Variants in MALRD1 observed in about 807,000 individuals in gnomAD.
MALRD1 encodes the protein MAM and LDL-receptor class A domain-containing protein 1.
MALRD1 carries 247 observed loss-of-function variants against 242.1 expected under a neutral mutation model. The ratio of observed to expected loss-of-function variants is 1.02; its 90% confidence interval spans 0.92 to 1.13. MALRD1 has a LOEUF of 1.13. Ranked by LOEUF, MALRD1 falls within the 50% of genes most tolerant of loss-of-function variation. MALRD1 has a pLI of 0.00. For synonymous variants in MALRD1, 995 were observed against 866.6 expected (o/e 1.15, Z -2.60); for missense variants, 2,989 against 2,533.1 (o/e 1.18, Z -3.86).
intron 2 of MALRD1, among the ~76,000 whole-genome samples, chr10:19,084,439 G>T: frequency 6.6e-6 from 1 of 151,684 alleles, no homozygotes; most frequent in Admixed American, 6.6e-5. Flanking sequence ...ATGTTCTTGA[G>T]AACTGATATT....
Position 19,131,809 on chromosome 10 carries a change from T to A in MALRD1, c.1111-2047T>A, listed in dbSNP as rs920127693. ...ACCGGTGGAGCAAAGATATATTTTTTAAAAAATTATTTACTGATTTTAAGA... is the reference window on the plus strand; with the variant it reads ...ACCGGTGGAGCAAAGATATATTTTTAAAAAAATTATTTACTGATTTTAAGA... On this transcript the variant is annotated intron_variant, in intron 8 of 39. Transcript: ENST00000454679. Among the ~76,000 whole-genome samples the A allele has an allele frequency of 1.1e-4, 16 of 152,310 alleles. No individual in the cohort carries two copies. In the East Asian group the frequency reaches 1.5e-3, roughly 15 times the overall value.
chr10:19,502,237 AAAT>A lies in MALRD1; in HGVS notation c.5320+3597_5320+3599del, dbSNP rs1256365993. On this transcript the variant is annotated intron_variant, in intron 31 of 39. Transcript: ENST00000454679. ...TTCTATTTATCAATTTTACATTACT[AAAT>A]AATAAACTTTTCTAAAATTTTTAAA... Among the ~76,000 whole-genome samples, 4 of 152,090 alleles carry A rather than the reference AAAT, an allele frequency of 2.6e-5. No homozygotes were observed. The South Asian group carries it at 6.2e-4, about 24-fold the overall frequency.
intron 21 of MALRD1, among the ~76,000 whole-genome samples, chr10:19,289,380 T>C (rs1841296301): frequency 6.6e-6 from 1 of 152,334 alleles, no homozygotes; most frequent in East Asian, 1.9e-4. Flanking sequence ...TGGTGCATAA[T>C]AGGCCTCAAT....
chr10:19,165,736 T>G lies in MALRD1; in HGVS notation c.1756T>G (p.Phe586Val), dbSNP rs182825388. Residue 586 changes from phenylalanine (F) to valine (V), a missense_variant, in exon 13 of 40, where the codon TTC (phenylalanine) becomes GTC (valine). By Grantham distance (50) the Phe-to-Val change is conservative. Coordinates refer to ENST00000454679, the MANE Select transcript of MALRD1 (RefSeq NM_001142308.3). Reference protein sequence around the residue: ...NLQKQGKIIRFSESQWSHAKI... With the variant: ...NLQKQGKIIRVSESQWSHAKI... ...GCAAAAGCAGGGCAAAATAATCAGA[T>G]TCTCCGAATCTCAGTGGAGCCACGC... 2.4e-3 allele frequency: 2,987 copies of G among 1,231,686 alleles called. 42 individuals are homozygous for G. Among genetic ancestry groups the G allele is most frequent in the Non-Finnish European group, 1.5e-3 (1,529 of 987,948 alleles). 76.3% of individuals were successfully genotyped at this position (1,231,686 alleles called of 1,614,324 possible). A position where few individuals can be genotyped will look rare whatever the true frequency, so the allele number is the denominator to read the frequency against.
intron 33 of MALRD1, among the ~76,000 whole-genome samples, chr10:19,581,505 T>A (rs889482030): frequency 6.6e-6 from 1 of 151,616 alleles, no homozygotes; most frequent in Non-Finnish European, 1.5e-5. Context: ...TTACTGAGAA[T>A]GATGATTTCC....
intron 29 of MALRD1, among the ~76,000 whole-genome samples, chr10:19,489,761 C>T (rs1837400880): frequency 6.6e-6 from 1 of 152,136 alleles, no homozygotes; most frequent in Non-Finnish European, 1.5e-5. Context: ...AATCTTGCAT[C>T]TAACGTCTTT....
intron 21 of MALRD1, among the ~76,000 whole-genome samples, chr10:19,312,101 A>G (rs543237648): frequency 1.3e-4 from 19 of 151,476 alleles, no homozygotes; most frequent in African/African-American, 4.6e-4. Context: ...ATTCATGATC[A>G]TCTTAACAAA....
chr10:19,165,381 ACCTCCCCG>A (rs1834645518), intron 12 of MALRD1, among the ~76,000 whole-genome samples: 1 of 149,390 alleles, frequency 6.7e-6, no homozygotes, highest in African/African-American at 2.5e-5. Flanking sequence ...GCTCACTGCA[ACCTCCCCG>A]CCTTCTGGGT....
intron 24 of MALRD1, among the ~76,000 whole-genome samples, chr10:19,339,774 A>G (rs1168840455): frequency 1.3e-5 from 2 of 152,166 alleles, no homozygotes; most frequent in Non-Finnish European, 2.9e-5. Context: ...TTTTGTAGGT[A>G]CATAGTATGT....
chr10:19,072,728 T>A (rs1835192205), intron 2 of MALRD1, among the ~76,000 whole-genome samples: 1 of 152,152 alleles, frequency 6.6e-6, no homozygotes, highest in Admixed American at 6.6e-5. Flanking sequence ...TATTTCTGTA[T>A]CAGAATCAGC....
At chr10:19,440,373 C>G (rs12356879) in intron 28 of MALRD1, among the ~76,000 whole-genome samples, 1 of 151,592 alleles carries the variant, frequency 6.6e-6, no homozygotes, top group Non-Finnish European at 1.5e-5. Context: ...ACTTTAAGTT[C>G]TAGGGTACAT....
chr10:19,345,440 A>T (rs185191517), intron 24 of MALRD1, among the ~76,000 whole-genome samples: 24 of 152,226 alleles, frequency 1.6e-4, no homozygotes, highest in African/African-American at 5.1e-4. Context: ...TCTAAACTAG[A>T]TGCTGAGTTG....
intron 36 of MALRD1, among the ~76,000 whole-genome samples, chr10:19,668,038 C>T (rs1427732342): frequency 1.3e-5 from 2 of 152,050 alleles, no homozygotes; most frequent in African/African-American, 2.4e-5. Flanking sequence ...GGCATTAATC[C>T]CATTAATGAG....
chr10:19,652,952 T>A (rs1313295412), intron 36 of MALRD1, among the ~76,000 whole-genome samples: 1 of 152,178 alleles, frequency 6.6e-6, no homozygotes, highest in Non-Finnish European at 1.5e-5. Flanking sequence ...CATTTAGAAC[T>A]CTCCAGGAGG....
chr10:19,573,526 AT>A (rs1836661911), intron 33 of MALRD1, among the ~76,000 whole-genome samples: 1 of 151,850 alleles, frequency 6.6e-6, no homozygotes, highest in Non-Finnish European at 1.5e-5. Flanking sequence ...CGCCTCCCTC[AT>A]TTTCTTTCTC....
intron 35 of MALRD1, among the ~76,000 whole-genome samples, chr10:19,612,605 C>T (rs546211354): frequency 6.6e-5 from 10 of 151,722 alleles, no homozygotes; most frequent in African/African-American, 1.9e-4. Flanking sequence ...ATACCTGAGA[C>T]TGGGTAGTTT....
chr10:19,200,645 G>GTTTTTTGTTT (rs1836480958), intron 14 of MALRD1, among the ~76,000 whole-genome samples: 1 of 69,450 alleles, frequency 1.4e-5, no homozygotes, highest in East Asian at 6.9e-4. Context: ...CCTGCTTGAG[G>GTTTTTTGTTT]TTTTTTTTTT....
chr10:19,340,189 G>C (rs2130952921), intron 24 of MALRD1, among the ~76,000 whole-genome samples: 1 of 152,232 alleles, frequency 6.6e-6, no homozygotes. Context: ...AAGATGTTTT[G>C]ATACAGACAT....
chr10:19,224,801 T>C (rs1449057192), intron 18 of MALRD1, among the ~76,000 whole-genome samples: 1 of 152,228 alleles, frequency 6.6e-6, no homozygotes, highest in Non-Finnish European at 1.5e-5. Context: ...TTCACTCCGA[T>C]GATAGTGTCT....
Sources: allele counts gnomAD v4.1 joint callset (sites outside exome capture counted in the v4.1 genomes callset), GRCh38; gene constraint gnomAD v4.1.1; transcripts MANE v1.5; gene names NCBI Gene and HGNC (gene_info 2026-07-23, HGNC 2026-07-21).